Variants in FAM117B observed in about 807,000 individuals in gnomAD.
FAM117B encodes the protein family with sequence similarity 117 member B, also known as protein FAM117B.
In FAM117B, 22 loss-of-function variants were observed where a neutral mutation model predicts 52.8. The ratio of observed to expected loss-of-function variants is 0.42; its 90% CI spans 0.30 to 0.59. The LOEUF (loss-of-function observed/expected upper bound fraction) is 0.59, where lower values mean the gene tolerates loss of function less well. Ranked by LOEUF, FAM117B falls within the 20% of genes least tolerant of loss-of-function variation. The pLI is 0.22. For missense variants in FAM117B, 678 were observed against 802.6 expected, an observed-to-expected ratio of 0.84 and a Z score of 1.88; for synonymous variants, 309 against 324.1, an observed-to-expected ratio of 0.95 and a Z score of 0.50.
At chr2:202,720,723 G>A (rs921289494) in intron 2 of FAM117B, among the ~76,000 whole-genome samples, 2 of 151,634 alleles carry the variant, frequency 1.3e-5, no homozygotes, top group Non-Finnish European at 2.9e-5. Flanking sequence ...ATTTAGAACA[G>A]GTCATTCTCG....
chr2:202,703,518 C>G (rs1362162577), intron 2 of FAM117B, among the ~76,000 whole-genome samples: 1 of 152,082 alleles, frequency 6.6e-6, no homozygotes, highest in Non-Finnish European at 1.5e-5. Flanking sequence ...CTATGCCCAG[C>G]TAGTTTTTTG....
intron 1 of FAM117B, among the ~76,000 whole-genome samples, chr2:202,674,855 A>G (rs1485569799): frequency 6.6e-6 from 1 of 152,176 alleles, no homozygotes; most frequent in African/African-American, 2.4e-5. Context: ...TTTAAGATAC[A>G]TGGAGTTTCT....
At chr2:202,750,121 G>C (rs141946796) in intron 4 of FAM117B, among the ~76,000 whole-genome samples, 31 of 152,326 alleles carry the variant, frequency 2.0e-4, no homozygotes, top group Admixed American at 7.8e-4. Context: ...CCTTCTTGCT[G>C]TGTGCTTATA....
At chr2:202,665,084 T>G (rs1254212206) in intron 1 of FAM117B, among the ~76,000 whole-genome samples, 3 of 152,170 alleles carry the variant, frequency 2.0e-5, no homozygotes, top group Non-Finnish European at 4.4e-5. Context: ...GTGATAGGAC[T>G]GAGATGACTG....
chr2:202,668,758 C>T (rs1303698526), intron 1 of FAM117B, among the ~76,000 whole-genome samples: 1 of 151,976 alleles, frequency 6.6e-6, no homozygotes, highest in African/African-American at 2.4e-5. Context: ...TATTTGAATG[C>T]ATGTCTCATG....
intron 4 of FAM117B, among the ~76,000 whole-genome samples, chr2:202,745,594 A>G (rs1691619224): frequency 6.6e-6 from 1 of 152,358 alleles, no homozygotes; most frequent in South Asian, 2.1e-4. Flanking sequence ...GACAGGAGTA[A>G]GTTCTTACCT....
At chr2:202,651,574 A>G (rs1001307904) in intron 1 of FAM117B, among the ~76,000 whole-genome samples, 1 of 151,412 alleles carries the variant, frequency 6.6e-6, no homozygotes, top group Admixed American at 6.6e-5. Flanking sequence ...GGGTTTCACC[A>G]TGTTGGCCAG....
chr2:202,684,094 T>G (rs2105771532), intron 1 of FAM117B, among the ~76,000 whole-genome samples: 1 of 152,302 alleles, frequency 6.6e-6, no homozygotes, highest in African/African-American at 2.4e-5. Context: ...CTCGAACTCA[T>G]GAGCTTAAGC....
chr2:202,673,433 G>GT (rs1158185300), intron 1 of FAM117B, among the ~76,000 whole-genome samples: 835 of 37,526 alleles, frequency 0.022, 128 homozygotes, highest in Admixed American at 0.037. Context: ...TTCTTTTTCT[G>GT]TTTTTTTTTT....
chr2:202,767,935 A>G lies in FAM117B; in HGVS notation c.*2171A>G, dbSNP rs2105803955. On this transcript the variant is annotated 3_prime_UTR_variant, in exon 8 of 8. Transcript: ENST00000392238. The stretch of plus-strand genomic sequence containing the variant: ...AAAAGCTCAGTTATTTGGGGTCTAC[A>G]TTTTCTCACTGAGAGCCTTGATATT... The G allele has an allele frequency of 6.6e-6, 1 of 152,248 alleles. No homozygotes were observed. Among genetic ancestry groups the G allele is most frequent in the African/African-American group, 2.4e-5 (1 of 41,544 alleles). The allele number at this position is 152,248 out of a possible 1,614,324, so 9.4% of individuals were successfully genotyped here.
chr2:202,732,557 G>A (rs1691370552), intron 4 of FAM117B, among the ~76,000 whole-genome samples: 1 of 152,144 alleles, frequency 6.6e-6, no homozygotes, highest in Non-Finnish European at 1.5e-5. Flanking sequence ...GGCGGCTTAT[G>A]CCCGAAATAC....
chr2:202,726,075 T>C (rs1382778142), intron 3 of FAM117B, among the ~76,000 whole-genome samples, 175 bp from the exon 4 acceptor site: 2 of 152,238 alleles, frequency 1.3e-5, no homozygotes, highest in African/African-American at 4.8e-5. Flanking sequence ...CATATACACA[T>C]ACATGCATGT....
intron 1 of FAM117B, among the ~76,000 whole-genome samples, chr2:202,680,297 A>G (rs1690443005): frequency 6.6e-6 from 1 of 152,226 alleles, no homozygotes; most frequent in Admixed American, 6.5e-5. Flanking sequence ...GAGGGATAGC[A>G]TTAGGAGATA....
Position 202,766,107 on chromosome 2 carries a change from C to CACACACACACACACACA in FAM117B, c.*343_*344insACACACACACACACACA, listed in dbSNP as rs1574309784. ...ACACACACACACACACACACACACA[C>CACACACACACACACACA]CCCTGATCCTTGCCAACATGATTCC... On this transcript the variant is annotated 3_prime_UTR_variant, in exon 8 of 8. Coordinates refer to ENST00000392238, the MANE Select transcript of FAM117B (RefSeq NM_173511.4). 1.5e-5 allele frequency: 3 copies of CACACACACACACACACA among 199,610 alleles called. No individual in the cohort carries two copies. The highest frequency in any genetic ancestry group is 5.7e-5 in the Admixed American group (1 of 17,540). 12.4% of individuals were successfully genotyped at this position (199,610 alleles called of 1,614,324 possible). A position where few individuals can be genotyped will look rare whatever the true frequency, so the allele number is the denominator to read the frequency against.
At chr2:202,655,754 G>GAC (rs1559095448) in intron 1 of FAM117B, among the ~76,000 whole-genome samples, 1 of 148,386 alleles carries the variant, frequency 6.7e-6, no homozygotes, top group Non-Finnish European at 1.5e-5. Flanking sequence ...GAGAGAGAGA[G>GAC]AGAGAGAGTG....
intron 2 of FAM117B, among the ~76,000 whole-genome samples, chr2:202,713,374 A>G (rs1397239210): frequency 6.6e-6 from 1 of 152,134 alleles, no homozygotes; most frequent in African/African-American, 2.4e-5. Context: ...CAGTTGTAAT[A>G]TCTACTTTTC....
At chr2:202,734,260 C>T (rs549779844) in intron 4 of FAM117B, among the ~76,000 whole-genome samples, 4 of 152,142 alleles carry the variant, frequency 2.6e-5, no homozygotes, top group South Asian at 2.1e-4. Context: ...TGGTGGTACC[C>T]GTTGTAGTCC....
At chr2:202,668,100 T>TTATATA (rs562456135) in intron 1 of FAM117B, among the ~76,000 whole-genome samples, 105 of 141,192 alleles carry the variant, frequency 7.4e-4, no homozygotes, top group African/African-American at 2.8e-3. Flanking sequence ...TAAAAATATA[T>TTATATA]TTATATAAAA....
chr2:202,726,505 A>T (rs150778760), intron 4 of FAM117B, 142 bp downstream of exon 4: 8,474 of 608,830 alleles, frequency 0.014, 89 homozygotes, highest in Non-Finnish European at 0.019. Flanking sequence ...CACAGTCTTT[A>T]TAAGAAAACA....
Sources: allele counts gnomAD v4.1 joint callset (sites outside exome capture counted in the v4.1 genomes callset), GRCh38; gene constraint gnomAD v4.1.1; transcripts MANE v1.5; gene names NCBI Gene and HGNC (gene_info 2026-07-23, HGNC 2026-07-21).